Variants in BACH2 observed in about 807,000 individuals in gnomAD.
BACH2 encodes BACH transcriptional regulator 2.
Under a neutral mutation model 61.8 loss-of-function variants are expected in BACH2, and 5 were observed. The observed-to-expected ratio is 0.08, with a 90% confidence interval of 0.04 to 0.17. The LOEUF is 0.17. Ranked by LOEUF, BACH2 falls within the 10% of genes least tolerant of loss-of-function variation. BACH2 has a pLI of 1.00. For synonymous variants in BACH2, 446 were observed against 440.1 expected (o/e 1.01, Z -0.17); for missense variants, 824 against 1,091.1 (o/e 0.76, Z 3.45).
At chr6:90,225,158 G>A (rs1429153652) in intron 3 of BACH2, among the ~76,000 whole-genome samples, 3 of 152,152 alleles carry the variant, frequency 2.0e-5, no homozygotes, top group Non-Finnish European at 4.4e-5. Context: ...GCCGAGGCGG[G>A]TGGGTCACTT....
intron 4 of BACH2, among the ~76,000 whole-genome samples, chr6:90,117,496 A>G (rs1303834238): frequency 7.0e-6 from 1 of 142,876 alleles, no homozygotes; most frequent in East Asian, 2.0e-4. Context: ...ATAGCATCCT[A>G]TACTTCTGCA....
chr6:89,960,394 T>C (rs1382450412), intron 6 of BACH2, among the ~76,000 whole-genome samples: 1 of 152,252 alleles, frequency 6.6e-6, no homozygotes, highest in Non-Finnish European at 1.5e-5. Flanking sequence ...GCTCCCTTTC[T>C]ACCTGTTGCT....
intron 3 of BACH2, among the ~76,000 whole-genome samples, chr6:90,242,607 C>G (rs1272630270): frequency 1.3e-5 from 2 of 152,122 alleles, no homozygotes; most frequent in African/African-American, 4.8e-5. Flanking sequence ...CATCTAGATG[C>G]GTAGTTGCTG....
intron 4 of BACH2, among the ~76,000 whole-genome samples, chr6:90,187,863 T>C (rs561098502): frequency 1.3e-5 from 2 of 152,296 alleles, no homozygotes; most frequent in African/African-American, 2.4e-5. Context: ...ACATTTTAGA[T>C]AGAGGCTGTG....
At chr6:90,214,080 T>G (rs1195779011) in intron 3 of BACH2, among the ~76,000 whole-genome samples, 1 of 152,172 alleles carries the variant, frequency 6.6e-6, no homozygotes, top group East Asian at 1.9e-4. Context: ...CAAAAGAGAT[T>G]TCATTGTCCT....
At position 90,092,280 on chromosome 6, in the gene BACH2, T is replaced by TAAAAAAAAAAAAAAAAAAAAAA. The variant is rs200675044; in HGVS notation, c.-161-3172_-161-3171insTTTTTTTTTTTTTTTTTTTTTT. Among the ~76,000 whole-genome samples the TAAAAAAAAAAAAAAAAAAAAAA allele has an allele frequency of 6.5e-5, 5 of 77,196 alleles. 2 individuals carry two copies. Among genetic ancestry groups the TAAAAAAAAAAAAAAAAAAAAAA allele is most frequent in the African/African-American group, 3.1e-4 (5 of 16,256 alleles). The allele number at this position is 77,196 out of a possible 152,430, so 50.6% of individuals were successfully genotyped here. A position where few individuals can be genotyped will look rare whatever the true frequency, so the allele number is the denominator to read the frequency against. On this transcript the variant is annotated intron_variant, in intron 4 of 8. Coordinates refer to ENST00000257749, the MANE Select transcript of BACH2 (RefSeq NM_021813.4). ...CTGTGCAATTGGCACACTGTCAAAG[T>TAAAAAAAAAAAAAAAAAAAAAA]AAAAAAAAAAAATATATATATATAT...
intron 2 of BACH2, among the ~76,000 whole-genome samples, chr6:90,253,249 A>C (rs1770871094): frequency 6.6e-6 from 1 of 152,144 alleles, no homozygotes; most frequent in Non-Finnish European, 1.5e-5. Flanking sequence ...TGCCTCAAAA[A>C]AAAAAGGGAG....
chr6:90,103,906 C>T (rs1782786274), intron 4 of BACH2, among the ~76,000 whole-genome samples: 1 of 152,140 alleles, frequency 6.6e-6, no homozygotes. Context: ...GTCCTGAAAA[C>T]ATCCATTTGA....
intron 5 of BACH2, among the ~76,000 whole-genome samples, chr6:90,025,688 A>C (rs999398787): frequency 2.6e-5 from 4 of 152,186 alleles, no homozygotes; most frequent in African/African-American, 9.7e-5. Flanking sequence ...TAGGAGGCTA[A>C]ATGAGGGTGG....
chr6:90,055,517 G>A (rs1378364904), intron 5 of BACH2, among the ~76,000 whole-genome samples: 2 of 152,118 alleles, frequency 1.3e-5, no homozygotes, highest in East Asian at 3.9e-4. Flanking sequence ...TGAAAGTGAC[G>A]GGGAGAATGG....
intron 6 of BACH2, among the ~76,000 whole-genome samples, chr6:89,994,744 C>A (rs1776756402): frequency 6.6e-6 from 1 of 152,204 alleles, no homozygotes; most frequent in South Asian, 2.1e-4. Context: ...TCTTCCTTCC[C>A]TTTCATCCAC....
At chr6:90,141,749 T>C (rs960601708) in intron 4 of BACH2, among the ~76,000 whole-genome samples, 3 of 152,218 alleles carry the variant, frequency 2.0e-5, no homozygotes, top group Non-Finnish European at 4.4e-5. Context: ...TGATAATAGG[T>C]TGATTTGTAA....
intron 5 of BACH2, among the ~76,000 whole-genome samples, chr6:90,024,716 G>A (rs1397156304): frequency 6.6e-6 from 1 of 152,166 alleles, no homozygotes; most frequent in Non-Finnish European, 1.5e-5. Context: ...AGGGAAAAAT[G>A]CCATCACATA....
intron 4 of BACH2, among the ~76,000 whole-genome samples, chr6:90,165,751 C>T (rs538705139): frequency 4.6e-5 from 7 of 152,204 alleles, no homozygotes; most frequent in Non-Finnish European, 7.4e-5. Context: ...AGAAATAATG[C>T]CGCGTATCTA....
chr6:90,292,645 A>T (rs904438677), intron 1 of BACH2, among the ~76,000 whole-genome samples: 1 of 152,234 alleles, frequency 6.6e-6, no homozygotes, highest in Non-Finnish European at 1.5e-5. Flanking sequence ...GTAACCATTC[A>T]TTGGGTGCAT....
At chr6:90,077,130 G>A (rs1307481212) in intron 5 of BACH2, among the ~76,000 whole-genome samples, 2 of 152,142 alleles carry the variant, frequency 1.3e-5, no homozygotes, top group Non-Finnish European at 2.9e-5. Flanking sequence ...CAGTTTTGCA[G>A]GAAGGAGCAC....
intron 4 of BACH2, among the ~76,000 whole-genome samples, chr6:90,112,756 C>T (rs1783230712): frequency 2.0e-5 from 3 of 152,230 alleles, no homozygotes; most frequent in Admixed American, 1.3e-4. Flanking sequence ...ACATACAATA[C>T]TAACCTTGAA....
At chr6:90,016,211 T>G (rs1443554028) in intron 5 of BACH2, among the ~76,000 whole-genome samples, 2 of 152,188 alleles carry the variant, frequency 1.3e-5, no homozygotes, top group Non-Finnish European at 2.9e-5. Context: ...TAAAAAAATC[T>G]AATCTGAAAA....
intron 4 of BACH2, among the ~76,000 whole-genome samples, chr6:90,129,566 T>C (rs1242405175): frequency 3.3e-5 from 5 of 152,172 alleles, no homozygotes; most frequent in Non-Finnish European, 7.3e-5. Context: ...TGTGTGGCCA[T>C]TTTCACAATA....
Sources: gnomAD v4.1 joint callset for allele counts (sites outside exome capture counted in the v4.1 genomes callset) on GRCh38, gnomAD v4.1.1 for gene constraint, MANE v1.5 for transcripts, NCBI Gene and HGNC (gene_info 2026-07-23, HGNC 2026-07-21) for gene names.